Variants in GLCE observed in about 807,000 individuals in gnomAD.
The protein encoded by GLCE is D-glucuronyl C5-epimerase.
In GLCE, 19 loss-of-function variants were observed where a neutral mutation model predicts 47.9. The ratio of observed to expected loss-of-function variants is 0.40; its 90% confidence interval spans 0.28 to 0.58. GLCE has a LOEUF of 0.58. Ranked by LOEUF, GLCE falls within the 20% of genes least tolerant of loss-of-function variation. The probability of loss-of-function intolerance (pLI) is 0.48; values close to 1 mark genes in which losing one functional copy is unlikely to be tolerated. For synonymous variants in GLCE, 245 were observed against 263.4 expected (o/e 0.93, Z 0.68); for missense variants, 556 against 743.3 (o/e 0.75, Z 2.93).
intron 1 of GLCE, among the ~76,000 whole-genome samples, chr15:69,202,986 T>G (rs1245258687): frequency 2.6e-5 from 4 of 152,146 alleles, no homozygotes; most frequent in African/African-American, 9.7e-5. Context: ...TTGATTTGCT[T>G]AAGTGTAGAG....
At chr15:69,227,214 T>C (rs1182762924) in intron 2 of GLCE, among the ~76,000 whole-genome samples, 1 of 152,188 alleles carries the variant, frequency 6.6e-6, no homozygotes, top group Admixed American at 6.5e-5. Context: ...TTGCTAAGTC[T>C]CTAAGATTAT....
chr15:69,223,746 CT>C (rs1248414644), intron 2 of GLCE, among the ~76,000 whole-genome samples: 9 of 152,090 alleles, frequency 5.9e-5, no homozygotes, highest in African/African-American at 2.2e-4. Flanking sequence ...CTCTTAGATT[CT>C]CTTCATTTTT....
chr15:69,240,995 T>G (rs2052663643), intron 2 of GLCE, among the ~76,000 whole-genome samples: 1 of 152,218 alleles, frequency 6.6e-6, no homozygotes, highest in Non-Finnish European at 1.5e-5. Flanking sequence ...CAGGAAAAAT[T>G]AATGAAAACA....
At chr15:69,255,749 C>T (rs546617123) in intron 2 of GLCE, 45 bp from the exon 3 acceptor site, 16 of 1,082,580 alleles carry the variant, frequency 1.5e-5, no homozygotes, top group African/African-American at 1.4e-4. Context: ...TATGAAATGC[C>T]GGTAGTACAT....
rs1373427616 is a variant in GLCE, at chr15:69,261,134, A to G, written c.634A>G (p.Ile212Val). The change falls in exon 4 of 5, where the codon ATC becomes GTC. Residue 212 changes from isoleucine (I) to valine (V), a missense_variant. Ile to Val is a conservative substitution (Grantham distance 29). This residue lies in a region of GLCE where 237 missense variants were observed against 310.9 expected (regional missense o/e 0.76). Coordinates refer to ENST00000261858, the MANE Select transcript of GLCE (RefSeq NM_015554.3). ...GGGACCTCAAGGCTATTTCTATCCA[A>G]TCCAGATTGCACAGTATGGATTAAG... ...QWGPQGYFYP[I>V]QIAQYGLSHY... 2 of 1,613,306 alleles carry G rather than the reference A, an allele frequency of 1.2e-6. No individual in the cohort carries two copies. The highest frequency in any genetic ancestry group is 2.2e-5 in the East Asian group (1 of 44,874).
chr15:69,169,986 G>C (rs942049760), intron 1 of GLCE, among the ~76,000 whole-genome samples: 1 of 151,858 alleles, frequency 6.6e-6, no homozygotes, highest in African/African-American at 2.4e-5. Context: ...TATTCTCTCT[G>C]CTAATAACAT....
In GLCE at chr15:69,268,939, A is replaced by G; in HGVS notation, c.1549A>G (p.Ile517Val). 6.2e-7 allele frequency: 1 copy of G among 1,614,230 alleles called. No individual in the cohort carries two copies. Among genetic ancestry groups the G allele is most frequent in the South Asian group, 1.1e-5 (1 of 91,084 alleles). Residue 517 changes from isoleucine (I) to valine (V), a missense_variant, in exon 5 of 5, where the codon ATT (isoleucine) becomes GTT (valine). Coordinates refer to ENST00000261858, the MANE Select transcript of GLCE (RefSeq NM_015554.3). ...TTTAAATGGCTTTATGTATTCTTTA[A>G]TTGGGCTGTATGACTTAAAAGAAAC... ...FVLNGFMYSL[I>V]GLYDLKETAG...
chr15:69,252,931 T>TAA (rs138491907), intron 2 of GLCE, among the ~76,000 whole-genome samples: 4,650 of 152,298 alleles, frequency 0.031, 91 homozygotes, highest in Non-Finnish European at 0.044. Flanking sequence ...TTAATAGGGT[T>TAA]AAAAATGTAT....
At chr15:69,207,791 A>G (rs901584199) in intron 1 of GLCE, among the ~76,000 whole-genome samples, 2 of 152,040 alleles carry the variant, frequency 1.3e-5, no homozygotes, top group African/African-American at 4.8e-5. Context: ...TCATATGATA[A>G]ATGTATACTT....
chr15:69,211,489 CTG>C (rs1452313868), intron 2 of GLCE, among the ~76,000 whole-genome samples: 1 of 151,752 alleles, frequency 6.6e-6, no homozygotes, highest in East Asian at 1.9e-4. Flanking sequence ...ACGTTTCTCT[CTG>C]AGGTTTAAAT....
chr15:69,234,543 A>G (rs1325279846), intron 2 of GLCE, among the ~76,000 whole-genome samples: 2 of 152,128 alleles, frequency 1.3e-5, no homozygotes, highest in East Asian at 3.8e-4. Flanking sequence ...TATATATGGA[A>G]TATATTTATA....
At chr15:69,209,054 A>G (rs189095868) in intron 1 of GLCE, among the ~76,000 whole-genome samples, 1 of 151,864 alleles carries the variant, frequency 6.6e-6, no homozygotes, top group Non-Finnish European at 1.5e-5. Flanking sequence ...TGATTCGGCT[A>G]TTGAGCTCAT....
chr15:69,251,145 G>T (rs1190539481), intron 2 of GLCE, among the ~76,000 whole-genome samples: 2 of 152,142 alleles, frequency 1.3e-5, no homozygotes, highest in Non-Finnish European at 2.9e-5. Flanking sequence ...GTGTCTGGTT[G>T]CTTCCTCCTT....
chr15:69,175,932 A>T (rs2140334424), intron 1 of GLCE, among the ~76,000 whole-genome samples: 1 of 152,306 alleles, frequency 6.6e-6, no homozygotes, highest in East Asian at 1.9e-4. Context: ...TAACCTTAGA[A>T]CCCTTGAGCA....
intron 1 of GLCE, among the ~76,000 whole-genome samples, chr15:69,183,131 T>C (rs2051774333): frequency 1.3e-5 from 2 of 152,166 alleles, no homozygotes; most frequent in South Asian, 4.1e-4. Flanking sequence ...ATCCTAGATC[T>C]ACTGAAGGGC....
chr15:69,257,619 A>G (rs1430841642), intron 3 of GLCE, among the ~76,000 whole-genome samples: 2 of 152,198 alleles, frequency 1.3e-5, no homozygotes, highest in African/African-American at 4.8e-5. Context: ...TGCTGGAATC[A>G]CAAACATGAG....
chr15:69,210,002 G>C (rs1447911558), intron 1 of GLCE, among the ~76,000 whole-genome samples: 1 of 152,092 alleles, frequency 6.6e-6, no homozygotes, highest in Non-Finnish European at 1.5e-5. Flanking sequence ...TTCCTTGTGA[G>C]TCCTAAGAGA....
chr15:69,201,115 T>C (rs1398082676), intron 1 of GLCE, among the ~76,000 whole-genome samples: 1 of 152,146 alleles, frequency 6.6e-6, no homozygotes, highest in Non-Finnish European at 1.5e-5. Context: ...TGTCTTCCTC[T>C]TCCACTTTAA....
At chr15:69,192,681 T>C (rs2051930857) in intron 1 of GLCE, among the ~76,000 whole-genome samples, 1 of 152,142 alleles carries the variant, frequency 6.6e-6, no homozygotes, top group African/African-American at 2.4e-5. Context: ...TTTTTTCTAG[T>C]ATGCCACTGT....
Sources: gnomAD v4.1 joint callset for allele counts (sites outside exome capture counted in the v4.1 genomes callset) on GRCh38, gnomAD v4.1.1 for gene constraint, gnomAD v4.1.1 regional missense constraint, MANE v1.5 for transcripts, NCBI Gene and HGNC (gene_info 2026-07-23, HGNC 2026-07-21) for gene names.